The following ALG14 variants were observed in gnomAD, a reference collection of about 807,000 sequenced individuals.
The protein encoded by ALG14 is UDP-N-acetylglucosamine transferase subunit ALG14.
A neutral mutation model predicts 22.8 loss-of-function variants in ALG14; 17 were observed. The observed-to-expected ratio is 0.75, with a 90% CI of 0.51 to 1.12. The LOEUF (loss-of-function observed/expected upper bound fraction) is 1.12, where lower values mean the gene tolerates loss of function less well. Ranked by LOEUF, ALG14 falls within the 50% of genes most tolerant of loss-of-function variation. The probability of loss-of-function intolerance (pLI) is 0.00; values close to 1 mark genes in which losing one functional copy is unlikely to be tolerated. For missense variants in ALG14, 288 were observed against 271.8 expected (o/e 1.06, Z -0.42); for synonymous variants, 89 against 103.7 (o/e 0.86, Z 0.86).
intron 3 of ALG14, among the ~76,000 whole-genome samples, chr1:95,000,535 T>TAAAAAAA (rs71588535): frequency 4.2e-5 from 3 of 70,616 alleles, no homozygotes; most frequent in African/African-American, 5.5e-5. Flanking sequence ...GACCCTGTCC[T>TAAAAAAA]AAAAAAAAAA....
chr1:95,035,506 G>A (rs1031687710), intron 2 of ALG14, among the ~76,000 whole-genome samples: 2 of 152,162 alleles, frequency 1.3e-5, no homozygotes, highest in Non-Finnish European at 2.9e-5. Flanking sequence ...AATATATGGT[G>A]GCAAGAGAGA....
At chr1:95,039,127 G>A (rs1014303732) in intron 2 of ALG14, among the ~76,000 whole-genome samples, 1 of 152,182 alleles carries the variant, frequency 6.6e-6, no homozygotes, top group African/African-American at 2.4e-5. Flanking sequence ...GGTGTGGTTG[G>A]TGAAGGGTCT....
intron 2 of ALG14, among the ~76,000 whole-genome samples, chr1:95,049,195 G>A (rs1674663256): frequency 6.6e-6 from 1 of 152,016 alleles, no homozygotes; most frequent in African/African-American, 2.4e-5. Flanking sequence ...TTGCATGAGG[G>A]CTATGAAAGG....
chr1:94,999,257 C>A (rs1190048240), intron 3 of ALG14, among the ~76,000 whole-genome samples: 1 of 149,156 alleles, frequency 6.7e-6, no homozygotes, highest in African/African-American at 2.5e-5. Flanking sequence ...CCTCCACCCC[C>A]ACCAAAAAAG....
rs577920076 is a variant in ALG14, at chr1:94,976,678, TGA to T, written c.*6396_*6397del. 4 of 151,186 alleles carry T rather than the reference TGA, an allele frequency of 2.6e-5. No homozygotes were observed. Among genetic ancestry groups the T allele is most frequent in the Non-Finnish European group, 5.9e-5 (4 of 67,922 alleles). The allele number at this position is 151,186 out of a possible 1,614,324, so 9.4% of individuals were successfully genotyped here. On this transcript the variant is annotated 3_prime_UTR_variant, in exon 4 of 4. Coordinates refer to ENST00000370205, the MANE Select transcript of ALG14 (RefSeq NM_144988.4). ...CAGCACTCCAGCCTGGGTGACAGAGTGAGACTCCGTCTTAAAGAAAAAAAAAA... is the reference window on the plus strand; with the variant it reads ...CAGCACTCCAGCCTGGGTGACAGAGTGACTCCGTCTTAAAGAAAAAAAAAA...
intron 3 of ALG14, among the ~76,000 whole-genome samples, chr1:95,025,778 T>C (rs1411131183): frequency 6.6e-6 from 1 of 152,206 alleles, no homozygotes; most frequent in African/African-American, 2.4e-5. Context: ...TCTCAGTCTT[T>C]ACAGAATTAA....
At chr1:94,993,895 G>A (rs922532605) in intron 3 of ALG14, among the ~76,000 whole-genome samples, 2 of 152,100 alleles carry the variant, frequency 1.3e-5, no homozygotes, top group South Asian at 2.1e-4. Context: ...CAGACCCAAC[G>A]TGCTACACAG....
intron 2 of ALG14, among the ~76,000 whole-genome samples, chr1:95,037,309 G>C (rs12047813): frequency 0.021 from 3,184 of 152,256 alleles, 162 homozygotes; most frequent in East Asian, 0.18. Context: ...CAACATGGAG[G>C]AATCATTCCT....
At chr1:95,004,247 C>T (rs1250876954) in intron 3 of ALG14, among the ~76,000 whole-genome samples, 2 of 136,116 alleles carry the variant, frequency 1.5e-5, no homozygotes, top group African/African-American at 5.7e-5. Context: ...TTTGAGACAG[C>T]GTCTCGCTCT....
At position 94,982,895 on chromosome 1, in the gene ALG14, TG is replaced by T; in HGVS notation, c.*180del. The stretch of plus-strand genomic sequence containing the variant: ...TTTAGTAGTTACGTTTATCAATGTT[TG>T]TTTCATAAGAGAAGCCTCAGTTTCT... On this transcript the variant is annotated 3_prime_UTR_variant, in exon 4 of 4. Transcript: ENST00000370205. 1.7e-6 allele frequency: 1 copy of T among 595,210 alleles called. No individual in the cohort carries two copies. The highest frequency in any genetic ancestry group is 2.8e-5 in the East Asian group (1 of 35,298). The allele number at this position is 595,210 out of a possible 1,614,324, so 36.9% of individuals were successfully genotyped here.
In ALG14 at chr1:95,022,679, T is replaced by C. The variant is rs1275225181; in HGVS notation, c.420+4450A>G. The stretch of plus-strand genomic sequence containing the variant: ...ATGATTTCATTAATCTTGGAAAACA[T>C]GAAGCAGTAAGACAAGTGTGGTCTA... On this transcript the variant is annotated intron_variant, in intron 3 of 3. Coordinates refer to ENST00000370205, the MANE Select transcript of ALG14 (RefSeq NM_144988.4). Among the ~76,000 whole-genome samples, 5 of 152,214 alleles carry C rather than the reference T, an allele frequency of 3.3e-5. No homozygotes were observed. In the East Asian group the frequency reaches 7.7e-4, roughly 23 times the overall value.
rs117722357 is a variant in ALG14 at position 95,025,198 on chromosome 1, C to T, written c.420+1931G>A. Among the ~76,000 whole-genome samples the T allele has an allele frequency of 5.5e-3, 832 of 152,194 alleles. 10 individuals carry two copies. Among genetic ancestry groups the T allele is most frequent in the East Asian group, 0.044 (229 of 5,184 alleles). ...GGTAATTAGGTGCATTGTCAATGAG[C>T]AGTATATTTTGTATTTTTTTAAATA... On this transcript the variant is annotated intron_variant, in intron 3 of 3. Coordinates refer to ENST00000370205, the MANE Select transcript of ALG14 (RefSeq NM_144988.4).
Position 94,993,646 on chromosome 1 carries a change from C to T in ALG14, c.421-10340G>A, listed in dbSNP as rs368204049. 3.3e-5 allele frequency among the ~76,000 whole-genome samples: 5 copies of T among 152,072 alleles called. No homozygotes were observed. The East Asian group carries it at 9.6e-4, about 29-fold the overall frequency. On this transcript the variant is annotated intron_variant, in intron 3 of 3. Transcript: ENST00000370205. ...GCCAAATGGCCTTGAAGGTCTGTAG[C>T]CATAACATGGTGAACAAGTCTGATG...
intron 2 of ALG14, among the ~76,000 whole-genome samples, chr1:95,047,275 G>A (rs963126098): frequency 6.6e-6 from 1 of 152,096 alleles, no homozygotes; most frequent in Admixed American, 6.5e-5. Context: ...AACTCAAACT[G>A]GTACAGTGGT....
intron 2 of ALG14, chr1:95,035,992 T>A (rs1674179638): frequency 6.6e-6 from 1 of 152,252 alleles, no homozygotes; most frequent in African/African-American, 2.4e-5. Context: ...TAAATGTATG[T>A]TGGATGGTTC....
At position 94,981,678 on chromosome 1, in the gene ALG14, G is replaced by GTTTTGTTTTTTTTTTTT. The variant is rs1672496104; in HGVS notation, c.*1381_*1397dup. On this transcript the variant is annotated 3_prime_UTR_variant, in exon 4 of 4. Coordinates refer to ENST00000370205, the MANE Select transcript of ALG14 (RefSeq NM_144988.4). Reference sequence around the variant, plus strand: ...TCTTCTCTTTTCTGTTTTTTATTTTGTTTTGTTTTTTTTTTTTTTGGCTGC... The same window carrying GTTTTGTTTTTTTTTTTT: ...TCTTCTCTTTTCTGTTTTTTATTTTGTTTTGTTTTTTTTTTTTTTTTGTTTTTTTTTTTTTTGGCTGC... 7.5e-6 allele frequency: 1 copy of GTTTTGTTTTTTTTTTTT among 133,574 alleles called. No individual in the cohort carries two copies. The highest frequency in any genetic ancestry group is 1.6e-5 in the Non-Finnish European group (1 of 61,002). 8.3% of individuals were successfully genotyped at this position (133,574 alleles called of 1,614,324 possible).
intron 2 of ALG14, among the ~76,000 whole-genome samples, chr1:95,043,667 G>T (rs74101998): frequency 6.6e-6 from 1 of 152,038 alleles, no homozygotes; most frequent in Non-Finnish European, 1.5e-5. Context: ...CACTTGGAGG[G>T]GCCCGCCTGG....
chr1:95,041,142 T>C (rs1350364855), intron 2 of ALG14, among the ~76,000 whole-genome samples: 15 of 152,224 alleles, frequency 9.9e-5, no homozygotes, highest in Non-Finnish European at 2.1e-4. Flanking sequence ...AAATTACAAA[T>C]ATTTTCTTAT....
chr1:94,998,410 A>T (rs1672962891), intron 3 of ALG14, among the ~76,000 whole-genome samples: 1 of 152,122 alleles, frequency 6.6e-6, no homozygotes, highest in African/African-American at 2.4e-5. Flanking sequence ...TGGTTGGGGG[A>T]AGTGCTGGCA....
Sources: gnomAD v4.1 joint callset for allele counts (sites outside exome capture counted in the v4.1 genomes callset) on GRCh38, gnomAD v4.1.1 for gene constraint, MANE v1.5 for transcripts, NCBI Gene and HGNC (gene_info 2026-07-23, HGNC 2026-07-21) for gene names.